NAALADL2: variants seen among roughly 807,000 people sequenced by gnomAD.
The protein encoded by NAALADL2 is N-acetylated alpha-linked acidic dipeptidase like 2, also known as inactive N-acetylated-alpha-linked acidic dipeptidase-like protein 2.
NAALADL2 carries 76 observed loss-of-function variants against 87.2 expected under a neutral mutation model. The observed-to-expected ratio is 0.87, with a 90% confidence interval of 0.72 to 1.05. The LOEUF (loss-of-function observed/expected upper bound fraction) is 1.05, where lower values mean the gene tolerates loss of function less well. Ranked by LOEUF, NAALADL2 falls within the 50% of genes least tolerant of loss-of-function variation. The pLI, the probability that NAALADL2 is intolerant of heterozygous loss-of-function variation, is 0.00. For synonymous variants in NAALADL2, 354 were observed against 331.0 expected, an observed-to-expected ratio of 1.07 and a Z score of -0.75; for missense variants, 1,089 against 945.8, an observed-to-expected ratio of 1.15 and a Z score of -1.99.
chr3:175,490,360 A>G (rs766237851), intron 9 of NAALADL2, among the ~76,000 whole-genome samples: 1 of 151,250 alleles, frequency 6.6e-6, no homozygotes, highest in African/African-American at 2.5e-5. Flanking sequence ...CGCTTAAAAC[A>G]TAAGTATCTA....
intron 13 of NAALADL2, among the ~76,000 whole-genome samples, chr3:175,771,108 A>G (rs1344388004): frequency 6.6e-6 from 1 of 152,202 alleles, no homozygotes; most frequent in African/African-American, 2.4e-5. Context: ...ATGAGTACCT[A>G]TGCTTCATTT....
At chr3:175,710,585 G>GATATAT (rs147185491) in intron 11 of NAALADL2, among the ~76,000 whole-genome samples, 49 of 145,906 alleles carry the variant, frequency 3.4e-4, no homozygotes, top group South Asian at 1.5e-3. Context: ...TACGTATTCA[G>GATATAT]ATATATATAT....
chr3:174,771,616 T>A (rs1714571080), intron 3 of NAALADL2, among the ~76,000 whole-genome samples: 1 of 152,142 alleles, frequency 6.6e-6, no homozygotes, highest in African/African-American at 2.4e-5. Context: ...ATCCTAGGGA[T>A]TTCTGTGTTT....
intron 5 of NAALADL2, among the ~76,000 whole-genome samples, chr3:175,376,279 T>C (rs888830432): frequency 1.5e-4 from 23 of 152,148 alleles, no homozygotes; most frequent in African/African-American, 5.3e-4. Flanking sequence ...TTAACATGTC[T>C]TGTGGTATCA....
Position 174,838,124 on chromosome 3 carries a change from G to GT in NAALADL2, c.-9+100379dup, listed in dbSNP as rs546823692. 9.6e-4 allele frequency among the ~76,000 whole-genome samples: 145 copies of GT among 150,748 alleles called. 1 individual carries two copies. The highest frequency in any genetic ancestry group is 1.9e-3 in the Non-Finnish European group (131 of 67,722). ...ATACTAGCTAACAGAATCCAACAAC[G>GT]TATCAAAAAGATAATACACCGTGAT... On this transcript the variant is annotated intron_variant, in intron 3 of 3. Coordinates refer to the NAALADL2 transcript ENST00000434257.
At chr3:174,996,368 G>A (rs865949273) in intron 1 of NAALADL2, among the ~76,000 whole-genome samples, 5 of 151,818 alleles carry the variant, frequency 3.3e-5, no homozygotes, top group African/African-American at 9.7e-5. Context: ...GTGGTGGCAG[G>A]TGCCTGTAGT....
At chr3:174,443,071 T>A (rs999415232) in intron 1 of NAALADL2, among the ~76,000 whole-genome samples, 1 of 152,216 alleles carries the variant, frequency 6.6e-6, no homozygotes, top group African/African-American at 2.4e-5. Context: ...CTACATGGTC[T>A]GCTAAGCTAT....
intron 2 of NAALADL2, among the ~76,000 whole-genome samples, chr3:174,555,131 T>A (rs1712599173): frequency 6.6e-6 from 1 of 152,178 alleles, no homozygotes; most frequent in East Asian, 1.9e-4. Context: ...ACGCAAATAT[T>A]CAGACCATAG....
In NAALADL2 at chr3:175,683,892, C is replaced by T. The variant is rs749084183; in HGVS notation, c.1897-53414C>T. Among the ~76,000 whole-genome samples the T allele has an allele frequency of 2.4e-4, 36 of 151,626 alleles. 1 individual carries two copies. Among genetic ancestry groups the T allele is most frequent in the African/African-American group, 8.7e-4 (36 of 41,284 alleles). ...TGTAAAGTATAGCCTACAAGTGAGA[C>T]AAAGTGTTGAAAAATAAGGAAGAAA... On this transcript the variant is annotated intron_variant, in intron 11 of 13. Coordinates refer to ENST00000454872, the MANE Select transcript of NAALADL2 (RefSeq NM_207015.3).
chr3:174,948,920 G>T lies in NAALADL2; in HGVS notation c.43+89470G>T, dbSNP rs372943516. 4.9e-4 allele frequency among the ~76,000 whole-genome samples: 74 copies of T among 152,270 alleles called. 2 individuals carry two copies. The South Asian group carries it at 0.014, about 29-fold the overall frequency. On this transcript the variant is annotated intron_variant, in intron 1 of 13. Coordinates refer to ENST00000454872, the MANE Select transcript of NAALADL2 (RefSeq NM_207015.3). Reference sequence around the variant, plus strand: ...AATTTTATTTCTCCCAATTCTGGAGGCAGGGAAGTCCAAGATCAAGGTGCT... The same window carrying T: ...AATTTTATTTCTCCCAATTCTGGAGTCAGGGAAGTCCAAGATCAAGGTGCT...
chr3:174,839,482 A>C (rs1308069238), intron 3 of NAALADL2, among the ~76,000 whole-genome samples: 4 of 152,210 alleles, frequency 2.6e-5, no homozygotes, highest in African/African-American at 9.7e-5. Flanking sequence ...ATAAAAACAA[A>C]GATAAATAGC....
At chr3:174,489,212 AAT>A (rs1201983660) in intron 1 of NAALADL2, among the ~76,000 whole-genome samples, 1 of 151,966 alleles carries the variant, frequency 6.6e-6, no homozygotes, top group East Asian at 1.9e-4. Flanking sequence ...GCTTTTTGAC[AAT>A]GGTGCCAAAA....
chr3:175,586,169 G>A (rs569785914), intron 10 of NAALADL2, among the ~76,000 whole-genome samples: 11 of 152,036 alleles, frequency 7.2e-5, no homozygotes, highest in East Asian at 1.9e-4. Flanking sequence ...TATTTACATC[G>A]GGAATGGCAG....
chr3:174,568,649 T>G (rs1043681913), intron 2 of NAALADL2, among the ~76,000 whole-genome samples: 1 of 151,778 alleles, frequency 6.6e-6, no homozygotes, highest in Non-Finnish European at 1.5e-5. Context: ...AGTACTGATG[T>G]ATGTATATAT....
intron 1 of NAALADL2, among the ~76,000 whole-genome samples, chr3:174,490,570 CT>C (rs939460158): frequency 3.9e-5 from 6 of 152,072 alleles, no homozygotes; most frequent in African/African-American, 1.4e-4. Flanking sequence ...CAATAAAGAT[CT>C]TTTTTTAAAA....
intron 1 of NAALADL2, among the ~76,000 whole-genome samples, chr3:174,934,113 C>T (rs1320926174): frequency 1.3e-5 from 2 of 152,042 alleles, no homozygotes; most frequent in Non-Finnish European, 2.9e-5. Context: ...AGGATTCATC[C>T]ACCCCATTTA....
chr3:175,683,130 C>T (rs1265812300), intron 11 of NAALADL2, among the ~76,000 whole-genome samples: 1 of 151,830 alleles, frequency 6.6e-6, no homozygotes, highest in Non-Finnish European at 1.5e-5. Flanking sequence ...GAAGTATAAC[C>T]AATGACAATG....
At chr3:174,596,214 C>T (rs1256413188) in intron 2 of NAALADL2, among the ~76,000 whole-genome samples, 1 of 152,012 alleles carries the variant, frequency 6.6e-6, no homozygotes, top group Admixed American at 6.6e-5. Flanking sequence ...TTCCTTCTGC[C>T]CTACTACTTT....
intron 11 of NAALADL2, among the ~76,000 whole-genome samples, chr3:175,702,162 A>G (rs1192091404): frequency 6.6e-6 from 1 of 152,182 alleles, no homozygotes; most frequent in East Asian, 1.9e-4. Flanking sequence ...TCAAAAAGAA[A>G]CACAAAGTTA....
Sources: gnomAD v4.1 joint callset for allele counts (sites outside exome capture counted in the v4.1 genomes callset) on GRCh38, gnomAD v4.1.1 for gene constraint, MANE v1.5 for transcripts, NCBI Gene and HGNC (gene_info 2026-07-23, HGNC 2026-07-21) for gene names.